GALNT18: variants seen among roughly 807,000 people sequenced by gnomAD.
GALNT18 encodes the protein GalNAc-transferase 18.
Under a neutral mutation model 69.5 loss-of-function variants are expected in GALNT18, and 44 were observed. That is an observed-to-expected ratio of 0.63 (90% CI 0.50 to 0.81). The LOEUF (loss-of-function observed/expected upper bound fraction) is 0.81, where lower values mean the gene tolerates loss of function less well. Ranked by LOEUF, GALNT18 falls within the 40% of genes least tolerant of loss-of-function variation. GALNT18 has a pLI of 0.00. For synonymous variants in GALNT18, 364 were observed against 318.2 expected (o/e 1.14, Z -1.53); for missense variants, 715 against 810.0 (o/e 0.88, Z 1.42).
At chr11:11,392,085 T>C (rs1360871115) in intron 3 of GALNT18, among the ~76,000 whole-genome samples, 1 of 152,250 alleles carries the variant, frequency 6.6e-6, no homozygotes, top group Admixed American at 6.5e-5. Flanking sequence ...TGGTTTCCTC[T>C]GCCCTTTGGC....
chr11:11,492,593 T>C (rs1856795213), intron 1 of GALNT18, among the ~76,000 whole-genome samples: 1 of 152,196 alleles, frequency 6.6e-6, no homozygotes, highest in African/African-American at 2.4e-5. Flanking sequence ...TCATGTCCTT[T>C]GCAGGGACAT....
At chr11:11,343,098 C>T (rs569918367) in intron 6 of GALNT18, among the ~76,000 whole-genome samples, 56 of 152,246 alleles carry the variant, frequency 3.7e-4, no homozygotes, top group African/African-American at 1.2e-3. Context: ...AATCCCAGCA[C>T]TTTGGGAGGC....
chr11:11,383,221 G>C lies in GALNT18; in HGVS notation c.596-3957C>G, dbSNP rs1325104244. Among the ~76,000 whole-genome samples, 3 of 152,148 alleles carry C rather than the reference G, an allele frequency of 2.0e-5. No individual in the cohort carries two copies. Among genetic ancestry groups the C allele is most frequent in the Non-Finnish European group, 4.4e-5 (3 of 68,034 alleles). On this transcript the variant is annotated intron_variant, in intron 3 of 10. Transcript: ENST00000227756. The surrounding 1 kb of genome is among the most constrained non-coding windows in gnomAD (Gnocchi z 5.2). ...GCCAGCTCTCATTTCTTCAGACTTA[G>C]ACGCCAAGGAAACACAGGGGATTCA...
At chr11:11,293,605 A>T (rs1590016218) in intron 9 of GALNT18, among the ~76,000 whole-genome samples, 1 of 125,850 alleles carries the variant, frequency 7.9e-6, no homozygotes, top group South Asian at 2.5e-4. Context: ...CAGTGGCGCT[A>T]TTTCGGCTCA....
chr11:11,533,765 G>GCATGT (rs1857709360), intron 1 of GALNT18, among the ~76,000 whole-genome samples: 1 of 152,224 alleles, frequency 6.6e-6, no homozygotes, highest in African/African-American at 2.4e-5. Flanking sequence ...CTGCCCTGGT[G>GCATGT]CATGTCTGTG....
intron 1 of GALNT18, among the ~76,000 whole-genome samples, chr11:11,611,545 T>C (rs1859900374): frequency 6.6e-6 from 1 of 152,174 alleles, no homozygotes; most frequent in African/African-American, 2.4e-5. Context: ...AATTCACCAC[T>C]GTGAGAAGCC....
At chr11:11,281,691 A>G (rs966382283) in intron 10 of GALNT18, among the ~76,000 whole-genome samples, 6 of 152,094 alleles carry the variant, frequency 3.9e-5, no homozygotes, top group Admixed American at 6.5e-5. Context: ...AGAGACTCCC[A>G]TCTGATGTTT....
At chr11:11,414,948 T>G (rs960874455) in intron 3 of GALNT18, among the ~76,000 whole-genome samples, 1 of 152,234 alleles carries the variant, frequency 6.6e-6, no homozygotes, top group African/African-American at 2.4e-5. Flanking sequence ...AGTTCTCAAC[T>G]GGGGCTTAGG....
intron 10 of GALNT18, among the ~76,000 whole-genome samples, chr11:11,292,261 T>C (rs1849315312): frequency 6.6e-6 from 1 of 152,078 alleles, no homozygotes; most frequent in African/African-American, 2.4e-5. Context: ...TGGCTGAAAA[T>C]GGATCCTACC....
Position 11,540,289 on chromosome 11 carries a change from G to A in GALNT18, c.235+81070C>T, listed in dbSNP as rs1323529503. ...GTAACTTTGTTGAAGGGCCCTGGAAGGTGCAGGATAAATGTTTTTCTTCGT... is the reference window on the plus strand; with the variant it reads ...GTAACTTTGTTGAAGGGCCCTGGAAAGTGCAGGATAAATGTTTTTCTTCGT... On this transcript the variant is annotated intron_variant, in intron 1 of 10. Transcript: ENST00000227756. The surrounding 1 kb of genome is among the most constrained non-coding windows in gnomAD (Gnocchi z 4.6). 6.6e-6 allele frequency among the ~76,000 whole-genome samples: 1 copy of A among 152,182 alleles called. No individual in the cohort carries two copies. Among genetic ancestry groups the A allele is most frequent in the Non-Finnish European group, 1.5e-5 (1 of 68,030 alleles).
rs1854825300 is a variant in GALNT18 at position 11,415,140 on chromosome 11, C to T, written c.595+17481G>A. On this transcript the variant is annotated intron_variant, in intron 3 of 10. Transcript: ENST00000227756. The surrounding 1 kb of genome is among the most constrained non-coding windows in gnomAD (Gnocchi z 4.1). ...CTCTTCTCAGGCCACCAGAGTACAT[C>T]TCTGTGACTTCCCCTTCTGCCATCA... Among the ~76,000 whole-genome samples, 2 of 152,216 alleles carry T rather than the reference C, an allele frequency of 1.3e-5. No individual in the cohort carries two copies. Among genetic ancestry groups the T allele is most frequent in the South Asian group, 4.1e-4 (2 of 4,826 alleles).
chr11:11,367,853 G>A (rs1850806572), intron 6 of GALNT18, among the ~76,000 whole-genome samples: 1 of 152,062 alleles, frequency 6.6e-6, no homozygotes, highest in Non-Finnish European at 1.5e-5. Flanking sequence ...TGTACTTTTT[G>A]TCTTATTGAA....
chr11:11,484,796 G>A (rs937484884), intron 1 of GALNT18, among the ~76,000 whole-genome samples: 5 of 152,118 alleles, frequency 3.3e-5, no homozygotes, highest in African/African-American at 4.8e-5. Context: ...AAGGTCCAAA[G>A]CAGGTGAGGA....
At chr11:11,581,941 G>A (rs1359011250) in intron 1 of GALNT18, among the ~76,000 whole-genome samples, 2 of 152,014 alleles carry the variant, frequency 1.3e-5, no homozygotes, top group Admixed American at 1.3e-4. Flanking sequence ...CAGATAGGGG[G>A]CTAAAGAGGA....
intron 1 of GALNT18, among the ~76,000 whole-genome samples, chr11:11,491,942 T>C (rs920670272): frequency 1.3e-5 from 2 of 152,188 alleles, no homozygotes; most frequent in African/African-American, 4.8e-5. Context: ...ACAAAATCAG[T>C]AATGAAAAGC....
At chr11:11,508,848 C>T (rs1207410702) in intron 1 of GALNT18, among the ~76,000 whole-genome samples, 2 of 152,178 alleles carry the variant, frequency 1.3e-5, no homozygotes, top group Admixed American at 6.5e-5. Context: ...ACTGTAGATA[C>T]TCTTAAATGC....
chr11:11,467,686 T>G (rs951285069), intron 1 of GALNT18, among the ~76,000 whole-genome samples: 2 of 152,178 alleles, frequency 1.3e-5, no homozygotes, highest in Admixed American at 6.5e-5. Flanking sequence ...TTAAGTCAAC[T>G]GGGAATGAGA....
At chr11:11,445,395 C>G (rs1220746774) in intron 2 of GALNT18, among the ~76,000 whole-genome samples, 1 of 152,174 alleles carries the variant, frequency 6.6e-6, no homozygotes, top group Non-Finnish European at 1.5e-5. Flanking sequence ...ATGGCTTATC[C>G]TATATAAATG....
intron 1 of GALNT18, among the ~76,000 whole-genome samples, chr11:11,566,681 A>G (rs781715536): frequency 6.6e-6 from 1 of 152,238 alleles, no homozygotes; most frequent in Non-Finnish European, 1.5e-5. Flanking sequence ...TGAAGGATAT[A>G]CAGATGTTCC....
Sources: allele counts gnomAD v4.1 joint callset (sites outside exome capture counted in the v4.1 genomes callset), GRCh38; gene constraint gnomAD v4.1.1; non-coding constraint Gnocchi (gnomAD v3.1); transcripts MANE v1.5; gene names NCBI Gene and HGNC (gene_info 2026-07-23, HGNC 2026-07-21).